The following GABRB1 variants were observed in gnomAD, a reference collection of about 807,000 sequenced individuals.
GABRB1 encodes the protein gamma-aminobutyric acid receptor subunit beta-1.
GABRB1 carries 17 observed loss-of-function variants against 51.6 expected under a neutral mutation model. That is an observed-to-expected ratio of 0.33 (90% confidence interval 0.23 to 0.49). The LOEUF is 0.49. GABRB1 is among the 20% of genes least tolerant of loss of function. The pLI, the probability that GABRB1 is intolerant of heterozygous loss-of-function variation, is 0.99. For missense variants in GABRB1, 410 were observed against 600.6 expected, an observed-to-expected ratio of 0.68 and a Z score of 3.32; for synonymous variants, 247 against 218.9, an observed-to-expected ratio of 1.13 and a Z score of -1.14.
intron 4 of GABRB1, among the ~76,000 whole-genome samples, chr4:47,208,071 G>A (rs181356415): frequency 2.6e-5 from 4 of 152,054 alleles, no homozygotes; most frequent in Admixed American, 2.6e-4. Flanking sequence ...GCCAAAAGGT[G>A]GAAACAACCC....
At chr4:47,220,889 G>C (rs1720741892) in intron 4 of GABRB1, among the ~76,000 whole-genome samples, 1 of 151,852 alleles carries the variant, frequency 6.6e-6, no homozygotes, top group African/African-American at 2.4e-5. Context: ...GAGAACTTTT[G>C]ATCAAAGCAT....
intron 4 of GABRB1, among the ~76,000 whole-genome samples, chr4:47,306,557 C>T (rs1398141327): frequency 6.6e-6 from 1 of 151,976 alleles, no homozygotes; most frequent in African/African-American, 2.4e-5. Context: ...ATCCCATCCT[C>T]TTTTTTCCTT....
chr4:47,086,992 G>A (rs1728106136), intron 3 of GABRB1, among the ~76,000 whole-genome samples: 1 of 152,138 alleles, frequency 6.6e-6, no homozygotes, highest in African/African-American at 2.4e-5. Context: ...GGTGAAGTGG[G>A]GAAACACTGC....
At chr4:47,376,534 C>G (rs991517867) in intron 5 of GABRB1, among the ~76,000 whole-genome samples, 1 of 152,198 alleles carries the variant, frequency 6.6e-6, no homozygotes, top group Non-Finnish European at 1.5e-5. Context: ...GTAGTCCCAG[C>G]TACTTGGGGG....
At chr4:47,218,406 C>A (rs906724439) in intron 4 of GABRB1, among the ~76,000 whole-genome samples, 2 of 151,642 alleles carry the variant, frequency 1.3e-5, no homozygotes, top group African/African-American at 4.8e-5. Context: ...TTTTGAGAAA[C>A]CTCCATAGTT....
At chr4:47,091,222 G>A (rs996669851) in intron 3 of GABRB1, among the ~76,000 whole-genome samples, 9 of 151,924 alleles carry the variant, frequency 5.9e-5, no homozygotes, top group East Asian at 1.9e-4. Context: ...AAAAAAGTCC[G>A]TTGAGAAACA....
chr4:47,019,626 T>G (rs556704100), intron 1 of GABRB1, among the ~76,000 whole-genome samples: 967 of 17,244 alleles, frequency 0.056, 15 homozygotes, highest in African/African-American at 0.18. Context: ...TCTTTCTCTC[T>G]CTTTCTTTCT....
chr4:47,156,114 T>C (rs1019609958), intron 3 of GABRB1, among the ~76,000 whole-genome samples: 5 of 151,816 alleles, frequency 3.3e-5, no homozygotes, highest in Admixed American at 6.6e-5. Context: ...GATCACGTGA[T>C]AGTTCTGTTT....
At chr4:47,066,223 C>T (rs1329870640) in intron 3 of GABRB1, among the ~76,000 whole-genome samples, 1 of 152,148 alleles carries the variant, frequency 6.6e-6, no homozygotes, top group East Asian at 1.9e-4. Context: ...GTCTATAAAA[C>T]AATGCATGTA....
intron 8 of GABRB1, among the ~76,000 whole-genome samples, chr4:47,417,171 T>TA (rs113411707): frequency 9.8e-5 from 15 of 152,286 alleles, no homozygotes; most frequent in African/African-American, 3.4e-4. Flanking sequence ...CTCCTTTACT[T>TA]ACAGTAACTG....
At chr4:47,326,333 CA>C (rs1283445097) in intron 5 of GABRB1, among the ~76,000 whole-genome samples, 1 of 152,100 alleles carries the variant, frequency 6.6e-6, no homozygotes, top group East Asian at 1.9e-4. Context: ...TCTCATCATG[CA>C]GGCATTGTAT....
At chr4:47,303,739 G>A (rs4426755) in intron 4 of GABRB1, among the ~76,000 whole-genome samples, 147,392 of 152,060 alleles carry the variant, frequency 0.97, 71,543 homozygotes, top group East Asian at 1. Flanking sequence ...CCCACATATC[G>A]TTTTTTAAAA....
At chr4:47,329,069 T>C (rs1243455542) in intron 5 of GABRB1, among the ~76,000 whole-genome samples, 1 of 152,076 alleles carries the variant, frequency 6.6e-6, no homozygotes, top group South Asian at 2.1e-4. Flanking sequence ...AAATAAAATT[T>C]TTAAAGTATA....
chr4:47,113,165 C>G (rs776827984), intron 3 of GABRB1, among the ~76,000 whole-genome samples: 1 of 152,064 alleles, frequency 6.6e-6, no homozygotes, highest in Non-Finnish European at 1.5e-5. Context: ...GTGGGCAGAT[C>G]ACCAGAAGTC....
At chr4:47,280,587 T>G (rs1173999540) in intron 4 of GABRB1, among the ~76,000 whole-genome samples, 1 of 151,518 alleles carries the variant, frequency 6.6e-6, no homozygotes, top group Non-Finnish European at 1.5e-5. Context: ...TGACACATTA[T>G]TTCAGCTATT....
intron 4 of GABRB1, among the ~76,000 whole-genome samples, chr4:47,193,462 T>G (rs1289841801): frequency 2.6e-5 from 4 of 152,186 alleles, no homozygotes; most frequent in African/African-American, 9.7e-5. Context: ...GAAACTGGAA[T>G]TTATAGCCAG....
At chr4:47,278,754 C>T (rs986665387) in intron 4 of GABRB1, among the ~76,000 whole-genome samples, 2 of 152,154 alleles carry the variant, frequency 1.3e-5, no homozygotes, top group African/African-American at 4.8e-5. Flanking sequence ...CTCACAAAAG[C>T]ATGACAATTT....
intron 5 of GABRB1, among the ~76,000 whole-genome samples, chr4:47,402,980 C>A (rs1277427496): frequency 6.6e-6 from 1 of 152,092 alleles, no homozygotes; most frequent in East Asian, 1.9e-4. Context: ...TAGCACATAG[C>A]CAAAGCCATG....
chr4:47,159,344 G>A (rs147424225), intron 3 of GABRB1, among the ~76,000 whole-genome samples: 4 of 151,976 alleles, frequency 2.6e-5, no homozygotes, highest in Admixed American at 6.6e-5. Context: ...TGTCATTCAC[G>A]CATAATTAGG....
Sources: gnomAD v4.1 joint callset for allele counts (sites outside exome capture counted in the v4.1 genomes callset) on GRCh38, gnomAD v4.1.1 for gene constraint, MANE v1.5 for transcripts, NCBI Gene and HGNC (gene_info 2026-07-23, HGNC 2026-07-21) for gene names.